RP1: variants seen among roughly 807,000 people sequenced by gnomAD.
RP1 encodes the protein RP1 axonemal microtubule associated.
A neutral mutation model predicts 14.8 loss-of-function variants in RP1; 16 were observed. The observed-to-expected ratio is 1.08, with a 90% CI of 0.73 to 1.65. The LOEUF (loss-of-function observed/expected upper bound fraction) is 1.65, where lower values mean the gene tolerates loss of function less well. RP1 is among the 40% of genes most tolerant of loss of function. The pLI, the probability that RP1 is intolerant of heterozygous loss-of-function variation, is 0.00. For missense variants in RP1, 2,631 were observed against 2,535.0 expected (o/e 1.04, Z -0.81); for synonymous variants, 876 against 883.6 (o/e 0.99, Z 0.15).
chr8:54,577,506 T>G (rs1804688395), intron 1 of RP1, among the ~76,000 whole-genome samples: 1 of 152,070 alleles, frequency 6.6e-6, no homozygotes, highest in African/African-American at 2.4e-5. Flanking sequence ...CTTGTGTACT[T>G]TTTTTGCTTA....
At chr8:54,641,972 A>G (rs1170238608) in intron 3 of RP1, among the ~76,000 whole-genome samples, 2 of 152,338 alleles carry the variant, frequency 1.3e-5, no homozygotes, top group East Asian at 1.9e-4. Context: ...ATTCACATTC[A>G]TAGAAAAGTC....
intron 25 of RP1, among the ~76,000 whole-genome samples, chr8:54,842,440 C>T (rs890873256): frequency 3.3e-5 from 5 of 152,184 alleles, no homozygotes; most frequent in African/African-American, 1.2e-4. Flanking sequence ...CAGTGAAGAC[C>T]TTTCTAGGCA....
At chr8:54,839,354 C>T (rs1427576396) in intron 25 of RP1, among the ~76,000 whole-genome samples, 1 of 152,200 alleles carries the variant, frequency 6.6e-6, no homozygotes, top group East Asian at 1.9e-4. Context: ...TTCAACCATT[C>T]CACGCAGATA....
At position 54,797,083 on chromosome 8, in the gene RP1, C is replaced by T. The variant is rs539092065; in HGVS notation, c.3615+13373C>T. Among the ~76,000 whole-genome samples, 8 of 152,128 alleles carry T rather than the reference C, an allele frequency of 5.3e-5. No homozygotes were observed. In the South Asian group the frequency reaches 1.5e-3, roughly 28 times the overall value. ...GCACAACAGTGTAAAGAGTAGACTCCTTTTTAGGAATAGAAAAATTATCCA... is the reference window on the plus strand; with the variant it reads ...GCACAACAGTGTAAAGAGTAGACTCTTTTTTAGGAATAGAAAAATTATCCA... On this transcript the variant is annotated intron_variant, in intron 24 of 28. Transcript: ENST00000637698.
intron 15 of RP1, among the ~76,000 whole-genome samples, chr8:54,709,284 T>C (rs1585626150): frequency 6.6e-6 from 1 of 152,170 alleles, no homozygotes; most frequent in East Asian, 1.9e-4. Flanking sequence ...GGCTCTGAAA[T>C]GGGTGGGAGA....
At position 54,837,589 on chromosome 8, in the gene RP1, C is replaced by G. The variant is rs533202137; in HGVS notation, c.3755C>G (p.Ser1252Cys). The change falls in exon 25 of 29, where the codon TCC becomes TGC. Residue 1252 changes from serine to cysteine, a missense_variant. Ser to Cys is a moderately radical substitution (Grantham distance 112). Coordinates refer to the RP1 transcript ENST00000637698. ...GAGCTATTTTGTTTACCTGTTGATTCCTGGATAGCTGAGAATGAAAATGAT... is the reference window on the plus strand; with the variant it reads ...GAGCTATTTTGTTTACCTGTTGATTGCTGGATAGCTGAGAATGAAAATGAT... The G allele has an allele frequency of 3.2e-5, 40 of 1,231,884 alleles. No individual in the cohort carries two copies. The South Asian group carries it at 1.4e-3, about 43-fold the overall frequency. 76.3% of individuals were successfully genotyped at this position (1,231,884 alleles called of 1,614,324 possible).
chr8:54,769,771 T>G, exon 23 of RP1: 1 of 1,533,968 alleles, frequency 6.5e-7, no homozygotes, highest in Non-Finnish European at 8.7e-7. Flanking sequence ...AGGGCATAAT[T>G]CATTCAGAAA....
At chr8:54,752,398 C>T (rs1809394602) in intron 19 of RP1, among the ~76,000 whole-genome samples, 1 of 152,176 alleles carries the variant, frequency 6.6e-6, no homozygotes, top group African/African-American at 2.4e-5. Flanking sequence ...GGGAAATTGT[C>T]AGGACCACCT....
chr8:54,579,673 C>T (rs890172982), intron 1 of RP1, among the ~76,000 whole-genome samples: 1 of 152,190 alleles, frequency 6.6e-6, no homozygotes, highest in East Asian at 1.9e-4. Flanking sequence ...ATGGGATGGT[C>T]GGCAATCTAA....
At chr8:54,795,249 A>G (rs1477875865) in intron 24 of RP1, among the ~76,000 whole-genome samples, 5 of 152,076 alleles carry the variant, frequency 3.3e-5, no homozygotes, top group Admixed American at 1.3e-4. Flanking sequence ...AAGGAAACAA[A>G]ATCAGTATCT....
rs1345968765 is a variant in RP1, at chr8:54,621,098, A to T, written c.132A>T (p.Gly44=). 2.5e-6 allele frequency: 4 copies of T among 1,614,170 alleles called. No homozygotes were observed. Among genetic ancestry groups the T allele is most frequent in the Non-Finnish European group, 3.4e-6 (4 of 1,180,028 alleles). Residue 44 remains glycine, a synonymous_variant, in exon 2 of 4, where the codon GGA becomes GGT. Coordinates refer to ENST00000220676, the MANE Select transcript of RP1 (RefSeq NM_006269.2). The part of the protein sequence containing the change: ...VAKRISFYKS[G]DPQFGGVRVV... The stretch of plus-strand genomic sequence containing the variant: ...AGCGAATCAGTTTCTACAAGAGCGG[A>T]GACCCCCAATTCGGCGGGGTCAGGG...
chr8:54,783,763 C>T, intron 24 of RP1: 1 of 1,113,882 alleles, frequency 9.0e-7, no homozygotes, highest in South Asian at 4.6e-5. Flanking sequence ...TGATATACAT[C>T]CCCGAAGATG....
intron 25 of RP1, among the ~76,000 whole-genome samples, chr8:54,841,870 A>G (rs1255618292): frequency 6.6e-6 from 1 of 152,220 alleles, no homozygotes; most frequent in South Asian, 2.1e-4. Context: ...TCGAGGCCAC[A>G]TCTATGGGTG....
chr8:54,792,765 C>G (rs112061356), intron 24 of RP1, among the ~76,000 whole-genome samples: 2 of 151,534 alleles, frequency 1.3e-5, no homozygotes, highest in African/African-American at 4.8e-5. Flanking sequence ...AACAAGCTAA[C>G]TATACACTTC....
chr8:54,626,434 C>A lies in RP1; in HGVS notation c.2552C>A (p.Ala851Glu), dbSNP rs918424391. Reference protein sequence around the residue: ...EVASGYLRGMAKKSLVSKVTD... With the variant: ...EVASGYLRGMEKKSLVSKVTD... ...GCATCTGGGTATTTGAGAGGAATGG[C>A]AAAGAAGAGTTTAGTTTCAAAAGTT... The change falls in exon 4 of 4, where the codon GCA (alanine) becomes GAA (glutamate). Residue 851 changes from alanine to glutamate, a missense_variant. Transcript: ENST00000220676. 2 of 1,613,242 alleles carry A rather than the reference C, an allele frequency of 1.2e-6. No homozygotes were observed. Among genetic ancestry groups the A allele is most frequent in the Non-Finnish European group, 1.7e-6 (2 of 1,179,808 alleles).
intron 3 of RP1, among the ~76,000 whole-genome samples, chr8:54,637,345 G>T (rs1454397206): frequency 1.3e-5 from 2 of 152,148 alleles, no homozygotes; most frequent in East Asian, 3.8e-4. Flanking sequence ...GACCACCTAG[G>T]CATTAAGAGC....
intron 16 of RP1, chr8:54,726,226 AGG>A: frequency 9.2e-7 from 1 of 1,088,230 alleles, no homozygotes; most frequent in South Asian, 2.0e-5. Flanking sequence ...AGATTTGACT[AGG>A]CATTGAAATG....
intron 17 of RP1, among the ~76,000 whole-genome samples, chr8:54,731,150 A>C (rs949880930): frequency 6.6e-6 from 1 of 152,176 alleles, no homozygotes; most frequent in Non-Finnish European, 1.5e-5. Context: ...AGAATCAGCT[A>C]GTTTATTACT....
At chr8:54,811,009 T>C (rs182326214) in intron 24 of RP1, among the ~76,000 whole-genome samples, 40 of 152,332 alleles carry the variant, frequency 2.6e-4, no homozygotes, top group Non-Finnish European at 4.7e-4. Context: ...TAGTTTCATA[T>C]AGAGAATTAA....
Sources: allele counts gnomAD v4.1 joint callset (sites outside exome capture counted in the v4.1 genomes callset), GRCh38; gene constraint gnomAD v4.1.1; transcripts MANE v1.5; gene names NCBI Gene and HGNC (gene_info 2026-07-23, HGNC 2026-07-21).